DET1: variants seen among roughly 807,000 people sequenced by gnomAD.
DET1 encodes the protein DET1 homolog.
A neutral mutation model predicts 43.7 loss-of-function variants in DET1; 22 were observed. The observed-to-expected ratio is 0.50, with a 90% confidence interval of 0.36 to 0.72. The LOEUF is 0.72. Ranked by LOEUF, DET1 falls within the 30% of genes least tolerant of loss-of-function variation. The probability of loss-of-function intolerance (pLI) is 0.00; values close to 1 mark genes in which losing one functional copy is unlikely to be tolerated. For synonymous variants in DET1, 315 were observed against 266.2 expected, an observed-to-expected ratio of 1.18 and a Z score of -1.79; for missense variants, 713 against 713.3, an observed-to-expected ratio of 1.00 and a Z score of 0.00.
At chr15:88,544,151 G>A (rs957317383) in intron 1 of DET1, among the ~76,000 whole-genome samples, 15 of 152,236 alleles carry the variant, frequency 9.9e-5, no homozygotes, top group Non-Finnish European at 1.3e-4. Flanking sequence ...CCTTCACCTC[G>A]TCCATAGCTC....
intron 8 of DET1, chr15:88,502,591 C>T (rs1364413928): frequency 6.6e-6 from 1 of 152,260 alleles, no homozygotes; most frequent in Non-Finnish European, 1.5e-5. Context: ...TGCCAGGCAG[C>T]AACTGCTGAC....
At chr15:88,533,260 C>T (rs184826535) in intron 1 of DET1, among the ~76,000 whole-genome samples, 1 of 152,234 alleles carries the variant, frequency 6.6e-6, no homozygotes, top group Admixed American at 6.5e-5. Context: ...ATTAGAACGA[C>T]TGCTTTTTTT....
chr15:88,506,541 T>A (rs11073784), intron 7 of DET1, among the ~76,000 whole-genome samples: 33,111 of 149,398 alleles, frequency 0.22, 4,629 homozygotes, highest in African/African-American at 0.4. Flanking sequence ...ATATGCTCAA[T>A]TGCTTTCAAA....
chr15:88,506,516 C>T (rs2056143388), intron 7 of DET1, among the ~76,000 whole-genome samples: 1 of 151,036 alleles, frequency 6.6e-6, no homozygotes. Flanking sequence ...CCCTGTGGAA[C>T]ATCAAAATCA....
chr15:88,540,240 C>T (rs1002602114), intron 1 of DET1, among the ~76,000 whole-genome samples: 12 of 152,082 alleles, frequency 7.9e-5, no homozygotes, highest in Admixed American at 1.3e-4. Flanking sequence ...AGAGGGAGAA[C>T]GCCTAGATCC....
In DET1 at chr15:88,530,736, C is replaced by A; in HGVS notation, c.970G>T (p.Asp324Tyr). 2 of 1,613,910 alleles carry A rather than the reference C, an allele frequency of 1.2e-6. No homozygotes were observed. Among genetic ancestry groups the A allele is most frequent in the South Asian group, 2.2e-5 (2 of 91,030 alleles). The change falls in exon 2 of 5, where the codon GAC (aspartate) becomes TAC (tyrosine). Residue 324 changes from aspartate to tyrosine, a missense_variant. Transcript: ENST00000268148. ...MAKRRFFQYF[D>Y]QLRQLRMWKM... ...CACATTCGCAGCTGCCGCAGTTGGT[C>A]AAAATACTGGAAGAAGCGCCTCTTG...
chr15:88,527,079 C>T lies in DET1; in HGVS notation c.1271+520G>A, dbSNP rs562192144. Among the ~76,000 whole-genome samples, 3 of 152,308 alleles carry T rather than the reference C, an allele frequency of 2.0e-5. No homozygotes were observed. The East Asian group carries it at 5.8e-4, about 29-fold the overall frequency. On this transcript the variant is annotated intron_variant, in intron 3 of 4. Coordinates refer to ENST00000268148, the MANE Select transcript of DET1 (RefSeq NM_001144074.3). ...AGTTCTCATTCATTCACTGGCTTTT[C>T]AGCTTTTAAAACTTTGTTAATATGT...
chr15:88,539,817 C>G (rs1161872164), intron 1 of DET1, among the ~76,000 whole-genome samples: 2 of 152,198 alleles, frequency 1.3e-5, no homozygotes, highest in African/African-American at 2.4e-5. Context: ...GATTGCCATA[C>G]CCCACATCCA....
At chr15:88,515,567 A>AAAAAAAAAAAAC (rs1567058371) in intron 4 of DET1, among the ~76,000 whole-genome samples, 3 of 149,728 alleles carry the variant, frequency 2.0e-5, no homozygotes, top group South Asian at 2.1e-4. Flanking sequence ...AAAAAAAAAA[A>AAAAAAAAAAAAC]AGACCGAAGG....
chr15:88,513,942 G>A (rs2142256115), intron 4 of DET1, among the ~76,000 whole-genome samples: 1 of 149,946 alleles, frequency 6.7e-6, no homozygotes, highest in South Asian at 2.1e-4. Context: ...TGGGACTACA[G>A]GCGCCCGCTA....
At chr15:88,545,099 T>G (rs1392914361) in intron 1 of DET1, among the ~76,000 whole-genome samples, 1 of 152,162 alleles carries the variant, frequency 6.6e-6, no homozygotes, top group Non-Finnish European at 1.5e-5. Flanking sequence ...ATGTGTAAAC[T>G]TAGCCACCTA....
In DET1 at chr15:88,531,777, T is replaced by C. The variant is rs1447588090; in HGVS notation, c.-10-62A>G. The stretch of plus-strand genomic sequence containing the variant: ...AACAGAATTTACCAAAATATAAATA[T>C]ATACAAGTGAAACAGATTTCTCTTC... On this transcript the variant is annotated intron_variant, in intron 1 of 4. Coordinates refer to ENST00000268148, the MANE Select transcript of DET1 (RefSeq NM_001144074.3). This position sits in a 1 kb window ranked among gnomAD's most constrained non-coding sequence, Gnocchi z 6.2. The C allele has an allele frequency of 4.8e-6, 7 of 1,447,802 alleles. 1 individual carries two copies. The South Asian group carries it at 8.2e-5, about 17-fold the overall frequency. The allele number at this position is 1,447,802 out of a possible 1,614,324, so 89.7% of individuals were successfully genotyped here. A position where few individuals can be genotyped will look rare whatever the true frequency, so the allele number is the denominator to read the frequency against.
At position 88,531,228 on chromosome 15, in the gene DET1, C is replaced by G. The variant is rs1307210181; in HGVS notation, c.478G>C (p.Ala160Pro). Residue 160 changes from alanine to proline, a missense_variant, in exon 2 of 5, where the codon GCC becomes CCC. Physicochemically the swap from Ala to Pro is conservative, Grantham distance 27. Coordinates refer to ENST00000268148, the MANE Select transcript of DET1 (RefSeq NM_001144074.3). This position sits in a 1 kb window ranked among gnomAD's most constrained non-coding sequence, Gnocchi z 6.2. ...DCRCVIVGSA[A>P]YLPDEPHPPF... is the part of the protein sequence containing the mutation. ...GGGTGAGGCTCATCTGGGAGGTAGG[C>G]AGCTGAGCCCACGATGACACAGCGG... is the stretch of plus-strand genomic sequence containing the variant. 1 of 1,613,734 alleles carries G rather than the reference C, an allele frequency of 6.2e-7. No individual in the cohort carries two copies. Among genetic ancestry groups the G allele is most frequent in the African/African-American group, 1.3e-5 (1 of 74,890 alleles).
Position 88,544,917 on chromosome 15 carries a change from G to A in DET1, c.-11+1623C>T, listed in dbSNP as rs2057207816. Among the ~76,000 whole-genome samples the A allele has an allele frequency of 2.0e-5, 3 of 152,164 alleles. No homozygotes were observed. In the South Asian group the frequency reaches 6.2e-4, roughly 32 times the overall value. On this transcript the variant is annotated intron_variant, in intron 1 of 4. Coordinates refer to ENST00000268148, the MANE Select transcript of DET1 (RefSeq NM_001144074.3). ...ACACAATCTGCTTGTCCCAAAAGCA[G>A]GAAGTGTCGACCTTGTAGCAGGATT...
intron 3 of DET1, among the ~76,000 whole-genome samples, chr15:88,523,334 A>C (rs2056554963): frequency 6.6e-6 from 1 of 152,122 alleles, no homozygotes; most frequent in African/African-American, 2.4e-5. Context: ...TTTTACCAAA[A>C]GATTGCTGGG....
intron 3 of DET1, among the ~76,000 whole-genome samples, chr15:88,517,901 A>T (rs1350106954): frequency 6.6e-6 from 1 of 152,142 alleles, no homozygotes; most frequent in East Asian, 1.9e-4. Context: ...ATAACAGAAC[A>T]GTTATTTCTC....
At chr15:88,527,850 G>A (rs925595390) in intron 2 of DET1, 64 bp from the exon 3 acceptor site, 1 of 1,264,468 alleles carries the variant, frequency 7.9e-7, no homozygotes, top group Non-Finnish European at 1.0e-6. Context: ...AGGAAACTTA[G>A]CACTTATTAC....
intron 3 of DET1, among the ~76,000 whole-genome samples, chr15:88,524,828 C>T (rs912439202): frequency 2.0e-5 from 3 of 152,168 alleles, no homozygotes; most frequent in Admixed American, 6.5e-5. Flanking sequence ...CCACAGGGTC[C>T]TCTGCCTAGG....
At chr15:88,502,830 C>A (rs963871728) in intron 8 of DET1, 2 of 152,206 alleles carry the variant, frequency 1.3e-5, no homozygotes, top group Non-Finnish European at 2.9e-5. Flanking sequence ...GAGAGATCGG[C>A]ATTCAGAGAC....
Sources: gnomAD v4.1 joint callset for allele counts (sites outside exome capture counted in the v4.1 genomes callset) on GRCh38, gnomAD v4.1.1 for gene constraint, Gnocchi (gnomAD v3.1) non-coding constraint, MANE v1.5 for transcripts, NCBI Gene and HGNC (gene_info 2026-07-23, HGNC 2026-07-21) for gene names.